ARHGEF26: variants seen among roughly 807,000 people sequenced by gnomAD.
ARHGEF26 encodes the protein Rho guanine nucleotide exchange factor 26, also known as Rho guanine nucleotide exchange factor (GEF) 26.
Under a neutral mutation model 89.4 loss-of-function variants are expected in ARHGEF26, and 59 were observed. The observed-to-expected ratio is 0.66, with a 90% CI of 0.54 to 0.82. The LOEUF (loss-of-function observed/expected upper bound fraction) is 0.82, where lower values mean the gene tolerates loss of function less well. Ranked by LOEUF, ARHGEF26 falls within the 40% of genes least tolerant of loss-of-function variation. The pLI, the probability that ARHGEF26 is intolerant of heterozygous loss-of-function variation, is 0.00. For missense variants in ARHGEF26, 1,234 were observed against 1,085.6 expected (o/e 1.14, Z -1.92); for synonymous variants, 500 against 428.4 (o/e 1.17, Z -2.06).
chr3:154,212,341 C>CAA (rs59256396), intron 9 of ARHGEF26, among the ~76,000 whole-genome samples: 1 of 138,168 alleles, frequency 7.2e-6, no homozygotes, highest in Non-Finnish European at 1.6e-5. Context: ...GACCCTGTCT[C>CAA]AAAAAAAAAA....
chr3:154,209,097 T>C (rs2108227984), intron 9 of ARHGEF26, among the ~76,000 whole-genome samples: 1 of 152,190 alleles, frequency 6.6e-6, no homozygotes, highest in South Asian at 2.1e-4. Flanking sequence ...CCAGAATTTC[T>C]GCTTGATTTC....
At chr3:154,126,474 C>T (rs1337460324) in intron 3 of ARHGEF26, among the ~76,000 whole-genome samples, 1 of 152,194 alleles carries the variant, frequency 6.6e-6, no homozygotes. Flanking sequence ...TAGCTCAAAT[C>T]TCCATCATCT....
At chr3:154,238,150 T>C (rs1717242827) in intron 11 of ARHGEF26, among the ~76,000 whole-genome samples, 1 of 152,190 alleles carries the variant, frequency 6.6e-6, no homozygotes, top group African/African-American at 2.4e-5. Flanking sequence ...CATAGTCTTT[T>C]AAAAAATGAC....
intron 11 of ARHGEF26, among the ~76,000 whole-genome samples, chr3:154,230,404 A>C (rs983562085): frequency 6.6e-6 from 1 of 152,042 alleles, no homozygotes; most frequent in Non-Finnish European, 1.5e-5. Flanking sequence ...CTTTATGTTC[A>C]TTACTTCTTC....
intron 9 of ARHGEF26, among the ~76,000 whole-genome samples, chr3:154,207,956 A>G (rs1182348139): frequency 1.3e-5 from 2 of 152,198 alleles, no homozygotes; most frequent in African/African-American, 2.4e-5. Context: ...ACATGGATGG[A>G]ACTGGAGGCC....
At chr3:154,129,544 T>C (rs780818199) in intron 3 of ARHGEF26, 30 bp from the exon 4 acceptor site, 11 of 1,602,356 alleles carry the variant, frequency 6.9e-6, no homozygotes, top group Non-Finnish European at 9.4e-6. Flanking sequence ...TGAGAACAAT[T>C]AGTGACACAT....
At chr3:154,213,606 C>A (rs1037135614) in intron 9 of ARHGEF26, among the ~76,000 whole-genome samples, 2 of 152,048 alleles carry the variant, frequency 1.3e-5, no homozygotes, top group Non-Finnish European at 2.9e-5. Flanking sequence ...ATAACCCAAA[C>A]TTAATAATGC....
intron 6 of ARHGEF26, among the ~76,000 whole-genome samples, chr3:154,161,466 G>C (rs1399852545): frequency 1.3e-5 from 2 of 152,092 alleles, no homozygotes; most frequent in Non-Finnish European, 2.9e-5. Flanking sequence ...CATAACACTA[G>C]ACAAGTTCTT....
In ARHGEF26 at chr3:154,187,805, A is replaced by C. The variant is rs1367200046; in HGVS notation, c.1608A>C (p.Glu536Asp). Residue 536 changes from glutamate (E) to aspartate (D), a missense_variant, in exon 7 of 15, where the codon GAA (glutamate) becomes GAC (aspartate). Coordinates refer to ENST00000465093, the MANE Select transcript of ARHGEF26 (RefSeq NM_015595.4). ...CATATGTGAAATACTGCACAAATGA[A>C]GTCTACCAACAACGAACACTACAAA... The part of the protein sequence containing the change: ...FDPYVKYCTN[E>D]VYQQRTLQKL... 1.9e-6 allele frequency: 3 copies of C among 1,610,256 alleles called. No individual in the cohort carries two copies. The highest frequency in any genetic ancestry group is 2.5e-6 in the Non-Finnish European group (3 of 1,177,902).
In ARHGEF26 at chr3:154,122,538, C is replaced by T. The variant is rs758820896; in HGVS notation, c.546C>T (p.Asn182=). The T allele has an allele frequency of 1.9e-6, 3 of 1,613,538 alleles. No homozygotes were observed. Among genetic ancestry groups the T allele is most frequent in the Non-Finnish European group, 1.7e-6 (2 of 1,179,886 alleles). The change falls in exon 2 of 15, where the codon AAC becomes AAT. Residue 182 remains asparagine (N), a synonymous_variant. Coordinates refer to ENST00000465093, the MANE Select transcript of ARHGEF26 (RefSeq NM_015595.4). ...SPTANGLAAN[N]DSPGSGSQSG... is the part of the protein sequence containing the mutation. ...CTGCAAATGGCCTTGCCGCTAATAACGACTCTCCTGGGTCAGGTTCGCAGT... is the reference window on the plus strand; with the variant it reads ...CTGCAAATGGCCTTGCCGCTAATAATGACTCTCCTGGGTCAGGTTCGCAGT...
rs1465206061 is a variant in ARHGEF26, at chr3:154,122,590, CG to C, written c.603del (p.Leu202SerfsTer34). On this transcript the variant is annotated frameshift_variant, in exon 2 of 15. Coordinates refer to ENST00000465093, the MANE Select transcript of ARHGEF26 (RefSeq NM_015595.4). LOFTEE classifies it high-confidence loss of function. Reference protein sequence around the residue: ...QSGRKAKDPERGLFPGPQKSS... With the variant: ...QSGRKAKDPEXGLFPGPQKSS... Reference sequence around the variant, plus strand: ...CGGCCGGAAGGCAAAGGACCCCGAACGGGGGCTCTTTCCTGGGCCCCAGAAA... The same window carrying C: ...CGGCCGGAAGGCAAAGGACCCCGAACGGGGCTCTTTCCTGGGCCCCAGAAA... 2 of 1,613,524 alleles carry C rather than the reference CG, an allele frequency of 1.2e-6. No individual in the cohort carries two copies. The highest frequency in any genetic ancestry group is 1.7e-6 in the Non-Finnish European group (2 of 1,179,880).
At chr3:154,218,717 C>G (rs1446586568) in intron 10 of ARHGEF26, among the ~76,000 whole-genome samples, 8 of 152,194 alleles carry the variant, frequency 5.3e-5, no homozygotes, top group Admixed American at 2.0e-4. Flanking sequence ...TCATGGTATT[C>G]TGTAAAGAGC....
intron 6 of ARHGEF26, among the ~76,000 whole-genome samples, chr3:154,187,360 A>G (rs1360453507): frequency 6.6e-6 from 1 of 150,964 alleles, no homozygotes; most frequent in Non-Finnish European, 1.5e-5. Context: ...TTGAAGCCAA[A>G]CACTTGAAGC....
At chr3:154,182,423 C>G (rs1252051610) in intron 6 of ARHGEF26, among the ~76,000 whole-genome samples, 1 of 152,148 alleles carries the variant, frequency 6.6e-6, no homozygotes, top group Non-Finnish European at 1.5e-5. Context: ...AATATTTGAT[C>G]ACACTGTGTC....
chr3:154,151,482 AT>A (rs1478452087), intron 5 of ARHGEF26, among the ~76,000 whole-genome samples: 2 of 152,160 alleles, frequency 1.3e-5, no homozygotes, highest in African/African-American at 2.4e-5. Flanking sequence ...TCCATTATTT[AT>A]GGTCCAGAAG....
At chr3:154,145,545 C>G (rs1719647190) in intron 4 of ARHGEF26, among the ~76,000 whole-genome samples, 1 of 152,128 alleles carries the variant, frequency 6.6e-6, no homozygotes, top group African/African-American at 2.4e-5. Context: ...TTTTAACTGG[C>G]TACATTTTTG....
At chr3:154,215,364 A>G (rs1011410647) in intron 9 of ARHGEF26, among the ~76,000 whole-genome samples, 1 of 138,062 alleles carries the variant, frequency 7.2e-6, no homozygotes, top group African/African-American at 2.7e-5. Flanking sequence ...TCCCCTACTC[A>G]CCTGTGTTTT....
chr3:154,124,456 A>T lies in ARHGEF26; in HGVS notation c.1123+7A>T. The stretch of plus-strand genomic sequence containing the variant: ...GGAACATTTGATGGGGAAGGTAAGC[A>T]TTTAATTTTCCAAACTTTCATTGCT... On this transcript the variant is annotated splice_region_variant and intron_variant, in intron 3 of 14. Coordinates refer to ENST00000465093, the MANE Select transcript of ARHGEF26 (RefSeq NM_015595.4). The T allele has an allele frequency of 6.5e-7, 1 of 1,541,318 alleles. No individual in the cohort carries two copies. The highest frequency in any genetic ancestry group is 2.4e-5 in the East Asian group (1 of 42,508).
At chr3:154,247,716 T>G (rs2108294429) in intron 12 of ARHGEF26, among the ~76,000 whole-genome samples, 1 of 152,312 alleles carries the variant, frequency 6.6e-6, no homozygotes, top group African/African-American at 2.4e-5. Context: ...CTGGAGCAGG[T>G]TTTTCCCAAA....
Sources: allele counts gnomAD v4.1 joint callset (sites outside exome capture counted in the v4.1 genomes callset), GRCh38; gene constraint gnomAD v4.1.1; transcripts MANE v1.5; gene names NCBI Gene and HGNC (gene_info 2026-07-23, HGNC 2026-07-21).